The following SPATA6 variants were observed in gnomAD, a reference collection of about 807,000 sequenced individuals.
SPATA6 encodes the protein spermatogenesis-associated protein 6.
In SPATA6, 56 loss-of-function variants were observed where a neutral mutation model predicts 65.3. The observed-to-expected ratio is 0.86, with a 90% CI of 0.69 to 1.07. The LOEUF (loss-of-function observed/expected upper bound fraction) is 1.07. Ranked by LOEUF, SPATA6 falls within the 50% of genes least tolerant of loss-of-function variation. SPATA6 has a pLI of 0.00. For missense variants in SPATA6, 590 were observed against 594.8 expected (o/e 0.99, Z 0.08); for synonymous variants, 199 against 213.2 (o/e 0.93, Z 0.58).
At chr1:48,333,176 C>CCA (rs1398550302) in intron 11 of SPATA6, among the ~76,000 whole-genome samples, 1 of 152,162 alleles carries the variant, frequency 6.6e-6, no homozygotes, top group African/African-American at 2.4e-5. Context: ...CAATCATCTA[C>CCA]CAGTGCGGCT....
chr1:48,327,549 T>C (rs2354007), intron 11 of SPATA6, among the ~76,000 whole-genome samples: 4,679 of 152,256 alleles, frequency 0.031, 222 homozygotes, highest in African/African-American at 0.11. Flanking sequence ...TGTATTCATA[T>C]ATTCATTGCA....
chr1:48,363,950 C>G (rs1026081342), intron 9 of SPATA6, among the ~76,000 whole-genome samples: 6 of 152,032 alleles, frequency 3.9e-5, no homozygotes, highest in Non-Finnish European at 5.9e-5. Context: ...ATCCCTCCCC[C>G]CTTCCCCCAC....
At chr1:48,471,588 A>T (rs1187636158) in intron 1 of SPATA6, among the ~76,000 whole-genome samples, 1 of 152,078 alleles carries the variant, frequency 6.6e-6, no homozygotes, top group Non-Finnish European at 1.5e-5. Flanking sequence ...CGGGGGCAAT[A>T]ATTCTCTAAG....
In SPATA6 at chr1:48,328,110, TC is replaced by T. The variant is rs538746653; in HGVS notation, c.1195-22233del. Among the ~76,000 whole-genome samples the T allele has an allele frequency of 9.9e-5, 15 of 152,128 alleles. No individual in the cohort carries two copies. In the East Asian group the frequency reaches 2.9e-3, roughly 29 times the overall value. On this transcript the variant is annotated intron_variant, in intron 11 of 12. Transcript: ENST00000371847. ...ATGAAATAATGCTCAAGATCATTAGTCAGAAGGGAAATGTACATCAAAACCC... is the reference window on the plus strand; with the variant it reads ...ATGAAATAATGCTCAAGATCATTAGTAGAAGGGAAATGTACATCAAAACCC...
the SPATA6 span, among the ~76,000 whole-genome samples, chr1:48,275,582 T>C: frequency 6.6e-6 from 1 of 152,188 alleles, no homozygotes; most frequent in Non-Finnish European, 1.5e-5. Flanking sequence ...GCCTTTTCTG[T>C]ATCTATTGAG....
At chr1:48,378,441 G>A (rs1417717576) in intron 9 of SPATA6, among the ~76,000 whole-genome samples, 3 of 152,168 alleles carry the variant, frequency 2.0e-5, no homozygotes, top group Non-Finnish European at 4.4e-5. Flanking sequence ...TTAGCTAAGT[G>A]TATTAGTCTG....
chr1:48,298,700 ATCATGGATGG>A lies in SPATA6; in HGVS notation c.*3_*12del, dbSNP rs1467192528. ...ATTGACACGGACACTAATGAGGTTT[ATCATGGATGG>A]TCTCAGAAGCTTTCCTGTGTATGTG... On this transcript the variant is annotated 3_prime_UTR_variant, in exon 13 of 13. Coordinates refer to ENST00000371847, the MANE Select transcript of SPATA6 (RefSeq NM_019073.4). 4.4e-6 allele frequency: 7 copies of A among 1,606,758 alleles called. No homozygotes were observed. The highest frequency in any genetic ancestry group is 6.0e-6 in the Non-Finnish European group (7 of 1,176,274).
At chr1:48,406,993 A>C (rs987056854) in intron 5 of SPATA6, among the ~76,000 whole-genome samples, 10 of 152,234 alleles carry the variant, frequency 6.6e-5, no homozygotes, top group African/African-American at 2.4e-4. Context: ...CCAGGGCAAC[A>C]AACTACTGAT....
chr1:48,421,303 G>A (rs940730095), intron 3 of SPATA6, among the ~76,000 whole-genome samples: 3 of 151,386 alleles, frequency 2.0e-5, no homozygotes, highest in Non-Finnish European at 4.4e-5. Context: ...TTCATATGAT[G>A]CCCTATATAT....
At chr1:48,418,448 C>T (rs539202648) in intron 3 of SPATA6, among the ~76,000 whole-genome samples, 7 of 148,102 alleles carry the variant, frequency 4.7e-5, no homozygotes, top group Admixed American at 2.1e-4. Flanking sequence ...TAGCTCACTC[C>T]TATAATCCCA....
chr1:48,314,926 T>C (rs1169765223), intron 11 of SPATA6, among the ~76,000 whole-genome samples: 2 of 152,126 alleles, frequency 1.3e-5, no homozygotes, highest in African/African-American at 2.4e-5. Flanking sequence ...TCTATGCAAA[T>C]AAACTAGAAA....
intron 9 of SPATA6, among the ~76,000 whole-genome samples, chr1:48,369,794 C>T (rs1647178863): frequency 6.6e-6 from 1 of 152,182 alleles, no homozygotes. Flanking sequence ...TGTCCTGCAC[C>T]CACTGTCTGG....
downstream of SPATA6, among the ~76,000 whole-genome samples, chr1:48,294,401 G>T (rs1430970249): frequency 6.6e-6 from 1 of 152,088 alleles, no homozygotes. Flanking sequence ...TAAAAGGGCT[G>T]CCCTCAAACT....
intron 3 of SPATA6, among the ~76,000 whole-genome samples, chr1:48,425,537 A>G (rs924778557): frequency 2.0e-5 from 3 of 152,192 alleles, no homozygotes; most frequent in African/African-American, 7.2e-5. Flanking sequence ...ATAAACTTGG[A>G]GGCTTAAACT....
chr1:48,402,251 C>G (rs1268198294), intron 6 of SPATA6, among the ~76,000 whole-genome samples: 3 of 152,042 alleles, frequency 2.0e-5, no homozygotes, highest in Non-Finnish European at 4.4e-5. Flanking sequence ...AATGGTTTTA[C>G]ATTTAGAAAT....
chr1:48,434,255 G>GAAAAAAAAAAA (rs1491260601), intron 3 of SPATA6, among the ~76,000 whole-genome samples: 1 of 33,436 alleles, frequency 3.0e-5, no homozygotes, highest in African/African-American at 7.7e-5. Context: ...ATACAGCAGT[G>GAAAAAAAAAAA]AAAGAAAAAA....
At chr1:48,385,430 T>G in intron 8 of SPATA6, 81 bp from the exon 9 acceptor site, 2 of 1,218,738 alleles carry the variant, frequency 1.6e-6, no homozygotes, top group Non-Finnish European at 2.3e-6. Flanking sequence ...TTTCTACAAT[T>G]ATAATTCACT....
rs1172634909 is a variant in SPATA6, at chr1:48,355,860, A to T, written c.1095-91T>A. 6 of 949,132 alleles carry T rather than the reference A, an allele frequency of 6.3e-6. No homozygotes were observed. The African/African-American group carries it at 1.0e-4, about 16-fold the overall frequency. The allele number at this position is 949,132 out of a possible 1,614,324, so 58.8% of individuals were successfully genotyped here. A position where few individuals can be genotyped will look rare whatever the true frequency, so the allele number is the denominator to read the frequency against. ...CAAGTTTTCACAGTATGTTCAACAA[A>T]TAGTCTTAATAAAGGTTGGCATACA... On this transcript the variant is annotated intron_variant, in intron 10 of 12. Transcript: ENST00000371847.
the SPATA6 span, among the ~76,000 whole-genome samples, chr1:48,289,017 T>C: frequency 2.0e-5 from 3 of 152,140 alleles, no homozygotes; most frequent in African/African-American, 7.2e-5. Context: ...CAGCACAGAG[T>C]TTGAGATCTG....
Sources: gnomAD v4.1 joint callset for allele counts (sites outside exome capture counted in the v4.1 genomes callset) on GRCh38, gnomAD v4.1.1 for gene constraint, MANE v1.5 for transcripts, NCBI Gene and HGNC (gene_info 2026-07-23, HGNC 2026-07-21) for gene names.